The following RNF217 variants were observed in gnomAD, a reference collection of about 807,000 sequenced individuals.
The protein encoded by RNF217 is E3 ubiquitin-protein ligase RNF217.
A neutral mutation model predicts 57.8 loss-of-function variants in RNF217; 31 were observed. That is an observed-to-expected ratio of 0.54 (90% CI 0.40 to 0.72). The LOEUF is 0.72. RNF217 is among the 30% of genes least tolerant of loss of function. The probability of loss-of-function intolerance (pLI) is 0.00; values close to 1 mark genes in which losing one functional copy is unlikely to be tolerated. For synonymous variants in RNF217, 313 were observed against 294.0 expected, an observed-to-expected ratio of 1.06 and a Z score of -0.66; for missense variants, 696 against 708.3, an observed-to-expected ratio of 0.98 and a Z score of 0.20.
At chr6:125,019,465 C>G (rs554224564) in intron 1 of RNF217, among the ~76,000 whole-genome samples, 2 of 152,108 alleles carry the variant, frequency 1.3e-5, no homozygotes, top group Non-Finnish European at 2.9e-5. Context: ...ATAAGCAACA[C>G]TTTTTATTGC....
chr6:125,026,337 T>G (rs2114443068), intron 1 of RNF217, among the ~76,000 whole-genome samples: 1 of 152,274 alleles, frequency 6.6e-6, no homozygotes, highest in African/African-American at 2.4e-5. Flanking sequence ...AATTCTGTAC[T>G]TGGGATCCTG....
At chr6:125,037,036 T>C (rs979765774) in intron 1 of RNF217, among the ~76,000 whole-genome samples, 1 of 151,128 alleles carries the variant, frequency 6.6e-6, no homozygotes, top group Non-Finnish European at 1.5e-5. Context: ...TCTTCAAGAC[T>C]GATTTTTTTA....
chr6:125,077,591 C>G (rs938349463), intron 4 of RNF217, among the ~76,000 whole-genome samples: 24 of 152,190 alleles, frequency 1.6e-4, no homozygotes, highest in Admixed American at 1.6e-3. Flanking sequence ...CCAAATGCCA[C>G]TGCCTTTGGG....
chr6:124,997,609 C>T (rs1784801835), intron 1 of RNF217, among the ~76,000 whole-genome samples: 1 of 152,168 alleles, frequency 6.6e-6, no homozygotes, highest in African/African-American at 2.4e-5. Flanking sequence ...TTAAATCTCT[C>T]ACTCCTGCAA....
intron 1 of RNF217, among the ~76,000 whole-genome samples, chr6:124,976,457 A>G (rs1783965770): frequency 6.6e-6 from 1 of 151,816 alleles, no homozygotes; most frequent in Non-Finnish European, 1.5e-5. Flanking sequence ...TTTAGTAGAG[A>G]TGGGGTTTCA....
At position 125,053,717 on chromosome 6, in the gene RNF217, A is replaced by G. The variant is rs543325045; in HGVS notation, c.1117-4225A>G. On this transcript the variant is annotated intron_variant, in intron 2 of 5. Transcript: ENST00000521654. ...AGTCGGCGTACTTTCATCTCAGTAT[A>G]GCACAGATTTCTGGTAAAACTAAGG... is the stretch of plus-strand genomic sequence containing the variant. Among the ~76,000 whole-genome samples the G allele has an allele frequency of 4.2e-4, 64 of 152,198 alleles. 1 individual carries two copies. Among genetic ancestry groups the G allele is most frequent in the Middle Eastern group, 3.4e-3 (1 of 294 alleles).
intron 3 of RNF217, among the ~76,000 whole-genome samples, chr6:125,068,066 T>C (rs1788003533): frequency 6.6e-6 from 1 of 152,180 alleles, no homozygotes; most frequent in Non-Finnish European, 1.5e-5. Context: ...ATAATATTCA[T>C]GTGTTTTTTT....
At chr6:125,051,121 T>G (rs1254004135) in intron 2 of RNF217, among the ~76,000 whole-genome samples, 1 of 151,534 alleles carries the variant, frequency 6.6e-6, no homozygotes, top group African/African-American at 2.4e-5. Context: ...TTTTTAGAGG[T>G]TTTTAACTTG....
At chr6:125,045,163 A>G in intron 1 of RNF217, 48 bp from the exon 2 acceptor site, 1 of 1,263,990 alleles carries the variant, frequency 7.9e-7, no homozygotes. Context: ...AATGAAAGAA[A>G]ATAACCAGTG....
intron 1 of RNF217, among the ~76,000 whole-genome samples, chr6:124,979,988 G>A (rs1332237109): frequency 2.0e-5 from 3 of 152,136 alleles, no homozygotes; most frequent in Non-Finnish European, 4.4e-5. Flanking sequence ...ATAGCAGAAC[G>A]TCCTTGCAGC....
At chr6:125,042,926 T>G (rs1052920747) in intron 1 of RNF217, among the ~76,000 whole-genome samples, 3 of 152,104 alleles carry the variant, frequency 2.0e-5, no homozygotes, top group Non-Finnish European at 4.4e-5. Context: ...AATGTACTGC[T>G]TCCCAATAAC....
chr6:125,068,069 G>GTT (rs1177699266), intron 3 of RNF217, among the ~76,000 whole-genome samples: 1 of 152,076 alleles, frequency 6.6e-6, no homozygotes, highest in Non-Finnish European at 1.5e-5. Flanking sequence ...ATATTCATGT[G>GTT]TTTTTTTAAA....
At chr6:125,015,252 AC>A (rs1362724846) in intron 1 of RNF217, among the ~76,000 whole-genome samples, 3 of 152,102 alleles carry the variant, frequency 2.0e-5, no homozygotes, top group Non-Finnish European at 4.4e-5. Flanking sequence ...ATTACTTTAC[AC>A]CCCTGTAAAA....
At chr6:124,983,043 T>G (rs1171543120) in intron 1 of RNF217, among the ~76,000 whole-genome samples, 1 of 152,220 alleles carries the variant, frequency 6.6e-6, no homozygotes, top group Non-Finnish European at 1.5e-5. Context: ...GTAATTTGTT[T>G]TAAGGAAAAG....
intron 1 of RNF217, among the ~76,000 whole-genome samples, chr6:125,004,470 G>C (rs971566021): frequency 1.3e-5 from 2 of 152,194 alleles, no homozygotes; most frequent in Non-Finnish European, 2.9e-5. Flanking sequence ...AAGATAAGCA[G>C]AACAGTGAAG....
chr6:124,969,525 T>C (rs1285421272), intron 1 of RNF217, among the ~76,000 whole-genome samples: 1 of 152,212 alleles, frequency 6.6e-6, no homozygotes, highest in Admixed American at 6.5e-5. Flanking sequence ...CCACCAATTT[T>C]GGGATAACTG....
intron 3 of RNF217, among the ~76,000 whole-genome samples, chr6:125,073,619 G>T (rs1479729558): frequency 6.6e-6 from 1 of 152,080 alleles, no homozygotes; most frequent in African/African-American, 2.4e-5. Context: ...ATGATTTGTT[G>T]GTAACTCTCG....
intron 1 of RNF217, among the ~76,000 whole-genome samples, chr6:124,969,867 TG>T (rs894162764): frequency 3.9e-5 from 6 of 151,932 alleles, no homozygotes; most frequent in African/African-American, 1.5e-4. Context: ...TCTATAGTTT[TG>T]GGGGGGTTGT....
At chr6:124,965,032 G>T (rs948096539) in intron 1 of RNF217, among the ~76,000 whole-genome samples, 8 of 152,150 alleles carry the variant, frequency 5.3e-5, no homozygotes, top group Admixed American at 3.9e-4. Context: ...ATTTCCTTAT[G>T]GTGGGCCCTT....
Sources: allele counts gnomAD v4.1 joint callset (sites outside exome capture counted in the v4.1 genomes callset), GRCh38; gene constraint gnomAD v4.1.1; transcripts MANE v1.5; gene names NCBI Gene and HGNC (gene_info 2026-07-23, HGNC 2026-07-21).